The following LRPPRC variants were observed in gnomAD, a reference collection of about 807,000 sequenced individuals.
LRPPRC encodes the protein leucine-rich PPR motif-containing protein, mitochondrial.
A neutral mutation model predicts 180.3 loss-of-function variants in LRPPRC; 120 were observed. The observed-to-expected ratio is 0.67, with a 90% CI of 0.57 to 0.77. The LOEUF is 0.77. Among genes scored for constraint, LRPPRC ranks in the 30% least tolerant of loss-of-function variants. The pLI is 0.00. For synonymous variants in LRPPRC, 723 were observed against 600.0 expected, an observed-to-expected ratio of 1.21 and a Z score of -3.00; for missense variants, 2,012 against 1,657.2, an observed-to-expected ratio of 1.21 and a Z score of -3.72.
intron 12 of LRPPRC, chr2:43,963,364 A>C (rs768845125): frequency 7.1e-5 from 43 of 607,118 alleles, no homozygotes; most frequent in Non-Finnish European, 1.2e-4. Context: ...GAATTGCTTG[A>C]ACCCAGGAGG....
At chr2:43,952,079 G>A (rs1005678354) in intron 14 of LRPPRC, among the ~76,000 whole-genome samples, 1 of 152,118 alleles carries the variant, frequency 6.6e-6, no homozygotes, top group Admixed American at 6.5e-5. Flanking sequence ...AGTAATCCCA[G>A]CTACTCAGGA....
intron 13 of LRPPRC, among the ~76,000 whole-genome samples, chr2:43,958,693 G>T (rs982890454): frequency 1.3e-5 from 2 of 152,140 alleles, no homozygotes; most frequent in African/African-American, 2.4e-5. Flanking sequence ...GTGGGAAAAT[G>T]TTCTCTACTA....
chr2:43,961,408 G>C (rs960982737), intron 12 of LRPPRC, among the ~76,000 whole-genome samples: 5 of 152,246 alleles, frequency 3.3e-5, no homozygotes, highest in Non-Finnish European at 7.4e-5. Context: ...CCTCTGTCAA[G>C]TTAGGTGGAT....
Position 43,886,574 on chromosome 2 carries a change from G to A in LRPPRC, c.*2026C>T, listed in dbSNP as rs1477743533. 2.0e-5 allele frequency: 3 copies of A among 152,194 alleles called. No individual in the cohort carries two copies. Among genetic ancestry groups the A allele is most frequent in the Non-Finnish European group, 4.4e-5 (3 of 68,042 alleles). 9.4% of individuals were successfully genotyped at this position (152,194 alleles called of 1,614,324 possible). ...ACACCCCCCCGCTGCTGCCGAGAGG[G>A]CTAGATAAGGGGGTCTTACCTATTT... On this transcript the variant is annotated 3_prime_UTR_variant, in exon 38 of 38. Coordinates refer to ENST00000260665, the MANE Select transcript of LRPPRC (RefSeq NM_133259.4).
At chr2:43,978,426 T>C (rs1198408036) in intron 3 of LRPPRC, among the ~76,000 whole-genome samples, 9 of 152,190 alleles carry the variant, frequency 5.9e-5, no homozygotes, top group Admixed American at 3.9e-4. Flanking sequence ...CTGTAAAGAA[T>C]GTTAATATAA....
chr2:43,897,803 T>G (rs1484962560), intron 34 of LRPPRC, among the ~76,000 whole-genome samples: 1 of 152,076 alleles, frequency 6.6e-6, no homozygotes, highest in Non-Finnish European at 1.5e-5. Context: ...AAACCTTGAT[T>G]ATGGCAGAGA....
At chr2:43,930,253 G>GA (rs1672039365) in intron 25 of LRPPRC, among the ~76,000 whole-genome samples, 1 of 151,500 alleles carries the variant, frequency 6.6e-6, no homozygotes. Context: ...GAAAAGTCAA[G>GA]AAAGAGGAAT....
chr2:43,970,970 C>A (rs1314550293), intron 11 of LRPPRC, among the ~76,000 whole-genome samples: 1 of 151,996 alleles, frequency 6.6e-6, no homozygotes, highest in Non-Finnish European at 1.5e-5. Context: ...TGCAGTGACG[C>A]ATGCCTGTAA....
intron 1 of LRPPRC, among the ~76,000 whole-genome samples, chr2:43,994,458 G>C (rs571407053): frequency 1.3e-5 from 2 of 152,282 alleles, no homozygotes; most frequent in African/African-American, 2.4e-5. Flanking sequence ...GCTTAATACA[G>C]ATAATTCTGC....
intron 32 of LRPPRC, among the ~76,000 whole-genome samples, chr2:43,900,156 T>C (rs17496286): frequency 0.088 from 13,339 of 152,132 alleles, 669 homozygotes; most frequent in South Asian, 0.14. Context: ...GTATTATACA[T>C]TTGGAAAATA....
rs1484399814 is a variant in LRPPRC at position 43,976,227 on chromosome 2, T to C, written c.653A>G (p.Lys218Arg). 1 of 1,596,738 alleles carries C rather than the reference T, an allele frequency of 6.3e-7. No homozygotes were observed. Residue 218 changes from lysine to arginine, a missense_variant and splice_region_variant, in exon 6 of 38, where the codon AAG (lysine) becomes AGG (arginine). By Grantham distance (26) the Lys-to-Arg change is conservative. Transcript: ENST00000260665. ...CNVGDIEGAS[K>R]ILGFMKTKDL... ...CTTAGTTTTCATAAATCCAAGAATC[T>C]TGCTGCAAAGGAAAAACGAAGATAC...
At chr2:43,963,546 T>G (rs1673437494) in intron 12 of LRPPRC, 42 bp downstream of exon 12, 1 of 1,163,116 alleles carries the variant, frequency 8.6e-7, no homozygotes, top group East Asian at 2.3e-5. Context: ...GGAGGAAAGA[T>G]ATCCTCTTCA....
intron 11 of LRPPRC, among the ~76,000 whole-genome samples, chr2:43,972,560 T>A (rs1673866419): frequency 6.6e-6 from 1 of 152,152 alleles, no homozygotes. Flanking sequence ...AAACACTGGG[T>A]TATAGGTTAC....
Position 43,976,198 on chromosome 2 carries a change from G to T in LRPPRC, c.682C>A (p.Leu228Ile). ...KILGFMKTKD[L>I]PVTEAVFSAL... Reference sequence around the variant, plus strand: ...CTGAATACTGCCTCTGTAACTGGGAGATCCTTAGTTTTCATAAATCCAAGA... The same window carrying T: ...CTGAATACTGCCTCTGTAACTGGGATATCCTTAGTTTTCATAAATCCAAGA... Residue 228 changes from leucine to isoleucine, a missense_variant, in exon 6 of 38, where the codon CTC becomes ATC. Physicochemically the swap from Leu to Ile is conservative, Grantham distance 5. Coordinates refer to ENST00000260665, the MANE Select transcript of LRPPRC (RefSeq NM_133259.4). 1.2e-6 allele frequency: 2 copies of T among 1,611,306 alleles called. No individual in the cohort carries two copies. Among genetic ancestry groups the T allele is most frequent in the Non-Finnish European group, 1.7e-6 (2 of 1,177,474 alleles).
intron 1 of LRPPRC, among the ~76,000 whole-genome samples, chr2:43,988,483 C>A (rs1674631147): frequency 6.6e-6 from 1 of 152,148 alleles, no homozygotes; most frequent in Non-Finnish European, 1.5e-5. Flanking sequence ...TTGCAGTGAG[C>A]CGAGATCACG....
chr2:43,985,548 G>C (rs745849946), intron 1 of LRPPRC, among the ~76,000 whole-genome samples: 1 of 152,068 alleles, frequency 6.6e-6, no homozygotes, highest in Non-Finnish European at 1.5e-5. Flanking sequence ...CTCTAGTTTT[G>C]CCTTTCCCAG....
chr2:43,942,213 GTTAA>G (rs1363981670), intron 23 of LRPPRC, among the ~76,000 whole-genome samples: 4 of 152,022 alleles, frequency 2.6e-5, no homozygotes, highest in African/African-American at 7.2e-5. Flanking sequence ...CATTTTCATT[GTTAA>G]TTATTTTATT....
chr2:43,959,555 C>T (rs1011809233), intron 13 of LRPPRC, among the ~76,000 whole-genome samples: 1 of 152,126 alleles, frequency 6.6e-6, no homozygotes, highest in Non-Finnish European at 1.5e-5. Context: ...TGTCAAGCAA[C>T]ACCATGGACG....
chr2:43,962,730 A>G (rs1038700197), intron 12 of LRPPRC, among the ~76,000 whole-genome samples: 3 of 152,208 alleles, frequency 2.0e-5, no homozygotes, highest in African/African-American at 7.2e-5. Context: ...AGTTTAAAAA[A>G]AGAGAGAGAG....
Sources: allele counts gnomAD v4.1 joint callset (sites outside exome capture counted in the v4.1 genomes callset), GRCh38; gene constraint gnomAD v4.1.1; transcripts MANE v1.5; gene names NCBI Gene and HGNC (gene_info 2026-07-23, HGNC 2026-07-21).